The following TLK1 variants were observed in gnomAD, a reference collection of about 807,000 sequenced individuals.
TLK1 encodes serine/threonine-protein kinase tousled-like 1.
TLK1 carries 24 observed loss-of-function variants against 105.3 expected under a neutral mutation model. The ratio of observed to expected loss-of-function variants is 0.23; its 90% CI spans 0.17 to 0.32. The LOEUF (loss-of-function observed/expected upper bound fraction) is 0.32, where lower values mean the gene tolerates loss of function less well. Among genes scored for constraint, TLK1 ranks in the 10% least tolerant of loss-of-function variants. The pLI, the probability that TLK1 is intolerant of heterozygous loss-of-function variation, is 1.00. For missense variants in TLK1, 558 were observed against 910.5 expected (o/e 0.61, Z 4.98); for synonymous variants, 321 against 310.4 (o/e 1.03, Z -0.36).
Position 171,046,186 on chromosome 2 carries a change from T to C in TLK1, c.1157A>G (p.Asn386Ser). 6.4e-7 allele frequency: 1 copy of C among 1,572,336 alleles called. No individual in the cohort carries two copies. Among genetic ancestry groups the C allele is most frequent in the Non-Finnish European group, 8.6e-7 (1 of 1,163,746 alleles). Reference sequence around the variant, plus strand: ...AATGGAGGCTTACAGTTGTGGTAAATTTGGTCTAACAAAGGGATCATTCTC... The same window carrying C: ...AATGGAGGCTTACAGTTGTGGTAAACTTGGTCTAACAAAGGGATCATTCTC... ...GAENDPFVRP[N>S]LPQLLTLAEY... is the part of the protein sequence containing the mutation. Residue 386 changes from asparagine (N) to serine (S), a missense_variant, in exon 11 of 21, where the codon AAT (asparagine) becomes AGT (serine). Around this residue, in one of 5 missense-constraint regions of TLK1, gnomAD observed 218 missense variants for 492.9 expected, o/e 0.44. Coordinates refer to ENST00000431350, the MANE Select transcript of TLK1 (RefSeq NM_012290.5).
intron 2 of TLK1, among the ~76,000 whole-genome samples, chr2:171,085,337 C>T (rs905795138): frequency 6.6e-6 from 1 of 151,518 alleles, no homozygotes; most frequent in Admixed American, 6.6e-5. Flanking sequence ...TTGCAGCGAG[C>T]CAAGATCACA....
chr2:171,193,404 T>C (rs1269615453), intron 1 of TLK1, among the ~76,000 whole-genome samples: 1 of 151,604 alleles, frequency 6.6e-6, no homozygotes, highest in East Asian at 1.9e-4. Context: ...TTTTTCGTTT[T>C]TTTTTTTTTT....
At chr2:171,029,228 T>C (rs1188673026) in intron 11 of TLK1, among the ~76,000 whole-genome samples, 1 of 152,170 alleles carries the variant, frequency 6.6e-6, no homozygotes, top group Non-Finnish European at 1.5e-5. Flanking sequence ...CAGTCCAGTT[T>C]GGGCAGTTTT....
chr2:171,064,105 A>G (rs1027547086), intron 3 of TLK1, among the ~76,000 whole-genome samples: 1 of 152,246 alleles, frequency 6.6e-6, no homozygotes, highest in Non-Finnish European at 1.5e-5. Context: ...CGAATGCATT[A>G]TAATTATAGT....
At chr2:171,098,326 ATATATG>A (rs1689539778) in intron 2 of TLK1, among the ~76,000 whole-genome samples, 1 of 152,200 alleles carries the variant, frequency 6.6e-6, no homozygotes, top group African/African-American at 2.4e-5. Flanking sequence ...ATGTCACAAT[ATATATG>A]TATATCAAAA....
At chr2:171,060,820 C>T (rs7609525) in intron 4 of TLK1, among the ~76,000 whole-genome samples, 5,050 of 151,860 alleles carry the variant, frequency 0.033, 118 homozygotes, top group African/African-American at 0.062. Context: ...CAATACAATA[C>T]ATATAAAGAA....
chr2:171,053,386 CAG>C (rs1433259179), intron 8 of TLK1, among the ~76,000 whole-genome samples: 4 of 150,834 alleles, frequency 2.7e-5, no homozygotes, highest in African/African-American at 9.7e-5. Context: ...TTTTCTGAGA[CAG>C]AGTCTCACTC....
intron 3 of TLK1, among the ~76,000 whole-genome samples, chr2:171,075,024 T>TAA (rs75840796): frequency 6.9e-6 from 1 of 144,490 alleles, no homozygotes. Flanking sequence ...AGTAAGGCAT[T>TAA]AAAAAAAAAA....
At chr2:171,117,241 T>C (rs1486521810) in intron 2 of TLK1, among the ~76,000 whole-genome samples, 1 of 152,182 alleles carries the variant, frequency 6.6e-6, no homozygotes, top group Non-Finnish European at 1.5e-5. Context: ...ATAGAGTTCA[T>C]GCTCCTATGA....
intron 1 of TLK1, among the ~76,000 whole-genome samples, chr2:171,211,817 G>A (rs1214650267): frequency 6.6e-6 from 1 of 150,576 alleles, no homozygotes; most frequent in Non-Finnish European, 1.5e-5. Flanking sequence ...CAAAGTGCTG[G>A]GATTACAGGC....
chr2:171,135,583 C>T (rs184113972), intron 1 of TLK1, among the ~76,000 whole-genome samples: 1 of 151,912 alleles, frequency 6.6e-6, no homozygotes, highest in East Asian at 1.9e-4. Context: ...GGTGGATCAC[C>T]TGAGGTCAGG....
intron 8 of TLK1, among the ~76,000 whole-genome samples, chr2:171,050,556 TG>T (rs1478623912): frequency 2.9e-5 from 3 of 104,920 alleles, no homozygotes; most frequent in African/African-American, 8.1e-5. Flanking sequence ...TAAAAATAAA[TG>T]TGAGTTTTCC....
chr2:171,225,463 A>G (rs1237913646), intron 1 of TLK1, among the ~76,000 whole-genome samples: 1 of 152,140 alleles, frequency 6.6e-6, no homozygotes, highest in Non-Finnish European at 1.5e-5. Context: ...AAAAAAAAGG[A>G]AAAAGGCAAG....
chr2:171,082,260 G>A (rs907338448), intron 3 of TLK1, among the ~76,000 whole-genome samples: 5 of 151,954 alleles, frequency 3.3e-5, no homozygotes, highest in African/African-American at 1.2e-4. Context: ...TTTCTTGGTG[G>A]GATCAGTAAG....
At chr2:171,211,642 C>T (rs560001895) in intron 1 of TLK1, among the ~76,000 whole-genome samples, 76 of 151,842 alleles carry the variant, frequency 5.0e-4, no homozygotes, top group Middle Eastern at 6.8e-3. Flanking sequence ...ATCCGCCTCC[C>T]GGGTTCAAGT....
intron 13 of TLK1, among the ~76,000 whole-genome samples, chr2:171,014,332 T>TAACG (rs916499019): frequency 2.1e-4 from 32 of 151,314 alleles, no homozygotes; most frequent in African/African-American, 7.7e-4. Context: ...TAAAGCAAGG[T>TAACG]AACGATATTA....
chr2:171,144,862 C>G (rs1575626573), intron 1 of TLK1, among the ~76,000 whole-genome samples: 1 of 152,248 alleles, frequency 6.6e-6, no homozygotes, highest in Middle Eastern at 3.4e-3. Flanking sequence ...AGAATGCCTT[C>G]AAGTATGGTT....
At chr2:171,177,071 G>A in intron 1 of TLK1, among the ~76,000 whole-genome samples, 1 of 152,060 alleles carries the variant, frequency 6.6e-6, no homozygotes, top group East Asian at 1.9e-4. Context: ...GACCTCAAGT[G>A]ATGTGTCTGC....
At chr2:171,065,799 A>G (rs1404852498) in intron 3 of TLK1, among the ~76,000 whole-genome samples, 2 of 152,212 alleles carry the variant, frequency 1.3e-5, no homozygotes, top group Non-Finnish European at 2.9e-5. Context: ...GGCCTCCCAG[A>G]GTGCTGGGAT....
Sources: gnomAD v4.1 joint callset for allele counts (sites outside exome capture counted in the v4.1 genomes callset) on GRCh38, gnomAD v4.1.1 for gene constraint, gnomAD v4.1.1 regional missense constraint, MANE v1.5 for transcripts, NCBI Gene and HGNC (gene_info 2026-07-23, HGNC 2026-07-21) for gene names.